The following SDK1 variants were observed in gnomAD, a reference collection of about 807,000 sequenced individuals.
SDK1 encodes sidekick cell adhesion molecule 1, also known as protein sidekick-1.
SDK1 carries 157 observed loss-of-function variants against 245.5 expected under a neutral mutation model. The observed-to-expected ratio is 0.64, with a 90% CI of 0.56 to 0.73. The LOEUF (loss-of-function observed/expected upper bound fraction) is 0.73. Among genes scored for constraint, SDK1 ranks in the 30% least tolerant of loss-of-function variants. SDK1 has a pLI of 0.00. For missense variants in SDK1, 3,583 were observed against 3,002.3 expected (o/e 1.19, Z -4.52); for synonymous variants, 1,647 against 1,278.5 (o/e 1.29, Z -6.15).
chr7:3,565,576 C>T (rs994021756), intron 1 of SDK1, among the ~76,000 whole-genome samples: 3 of 152,158 alleles, frequency 2.0e-5, no homozygotes, highest in African/African-American at 2.4e-5. Context: ...AGTACAATGA[C>T]ATTACTGTGT....
At chr7:3,967,598 G>T (rs957999185) in intron 10 of SDK1, among the ~76,000 whole-genome samples, 164 bp downstream of exon 10, 1 of 152,198 alleles carries the variant, frequency 6.6e-6, no homozygotes, top group African/African-American at 2.4e-5. Flanking sequence ...TGGCACCAGG[G>T]ACCTGTTTCT....
At chr7:3,396,293 G>A (rs1482272472) in intron 1 of SDK1, among the ~76,000 whole-genome samples, 1 of 151,668 alleles carries the variant, frequency 6.6e-6, no homozygotes, top group Non-Finnish European at 1.5e-5. Flanking sequence ...ATCTGCTAAT[G>A]CTTTCTTTGT....
At chr7:4,253,528 T>A (rs141370160) in intron 44 of SDK1, among the ~76,000 whole-genome samples, 1 of 152,192 alleles carries the variant, frequency 6.6e-6, no homozygotes, top group East Asian at 1.9e-4. Context: ...TTAAAATTCA[T>A]TGGGTCTTAT....
chr7:3,319,561 C>T (rs181448037), intron 1 of SDK1, among the ~76,000 whole-genome samples: 35 of 152,270 alleles, frequency 2.3e-4, no homozygotes, highest in South Asian at 1.0e-3. Context: ...TCATTACTTA[C>T]ATGATACATA....
chr7:4,106,043 T>G (rs7777164), intron 22 of SDK1, among the ~76,000 whole-genome samples: 18,388 of 152,080 alleles, frequency 0.12, 1,833 homozygotes, highest in African/African-American at 0.27. Context: ...AAGGGCAGGG[T>G]AGTTTGACCT....
intron 1 of SDK1, among the ~76,000 whole-genome samples, chr7:3,329,835 A>G (rs372169106): frequency 3.9e-5 from 6 of 152,256 alleles, no homozygotes; most frequent in African/African-American, 1.2e-4. Flanking sequence ...GCAGTATAAC[A>G]ACTACTTATA....
chr7:4,208,067 G>T (rs1370069044), intron 36 of SDK1, 32 bp from the exon 37 acceptor site: 3 of 1,568,230 alleles, frequency 1.9e-6, no homozygotes, highest in African/African-American at 2.7e-5. Flanking sequence ...GCTTCCCCAG[G>T]ACCCACCCCA....
chr7:3,925,774 C>T (rs887033611), intron 5 of SDK1, among the ~76,000 whole-genome samples: 1 of 152,182 alleles, frequency 6.6e-6, no homozygotes, highest in Non-Finnish European at 1.5e-5. Flanking sequence ...TTGGCAGGTG[C>T]GTGCTCCAGC....
chr7:3,530,239 G>A (rs1242824632), intron 1 of SDK1, among the ~76,000 whole-genome samples: 1 of 152,058 alleles, frequency 6.6e-6, no homozygotes, highest in Non-Finnish European at 1.5e-5. Flanking sequence ...CCTTAGAAAC[G>A]ACCCATTTCA....
chr7:3,637,334 T>TG (rs1196689025), intron 2 of SDK1, among the ~76,000 whole-genome samples: 1 of 152,192 alleles, frequency 6.6e-6, no homozygotes, highest in African/African-American at 2.4e-5. Flanking sequence ...TGGCCTCAAG[T>TG]GATCTGCCTG....
At chr7:3,929,777 A>G (rs1358678861) in intron 5 of SDK1, among the ~76,000 whole-genome samples, 3 of 152,082 alleles carry the variant, frequency 2.0e-5, no homozygotes, top group East Asian at 3.9e-4. Flanking sequence ...AGATAGGTGG[A>G]GAGGTGTATT....
chr7:3,495,509 T>C (rs1451305995), intron 1 of SDK1, among the ~76,000 whole-genome samples: 1 of 152,182 alleles, frequency 6.6e-6, no homozygotes, highest in African/African-American at 2.4e-5. Flanking sequence ...TCCTCCCGCC[T>C]CAGCCTCCCA....
intron 32 of SDK1, among the ~76,000 whole-genome samples, chr7:4,166,094 G>A (rs1165230279): frequency 3.3e-5 from 5 of 152,228 alleles, no homozygotes; most frequent in African/African-American, 1.2e-4. Flanking sequence ...GCCTGTAAGT[G>A]GGTTTTGAGA....
chr7:3,408,154 C>T (rs1362775085), intron 1 of SDK1, among the ~76,000 whole-genome samples: 1 of 152,096 alleles, frequency 6.6e-6, no homozygotes, highest in Non-Finnish European at 1.5e-5. Flanking sequence ...TCTTGTGCCT[C>T]AGTCTCCTGA....
At chr7:4,080,334 G>A (rs2103233) in intron 22 of SDK1, among the ~76,000 whole-genome samples, 3,492 of 152,228 alleles carry the variant, frequency 0.023, 62 homozygotes, top group Admixed American at 0.05. Context: ...GCTGGCATTG[G>A]TGAAGCCGTG....
intron 6 of SDK1, 140 bp downstream of exon 6, chr7:3,951,174 G>C (rs770220035): frequency 7.6e-6 from 5 of 658,514 alleles, no homozygotes; most frequent in Admixed American, 2.3e-5. Context: ...CCATGAATAC[G>C]AGATATGGGT....
At chr7:3,510,434 A>C (rs1171596797) in intron 1 of SDK1, among the ~76,000 whole-genome samples, 5 of 152,194 alleles carry the variant, frequency 3.3e-5, no homozygotes, top group Non-Finnish European at 7.3e-5. Flanking sequence ...GGTCTTCTAA[A>C]GGGTCTCTGA....
At chr7:3,662,661 G>A (rs897247986) in intron 4 of SDK1, among the ~76,000 whole-genome samples, 1 of 152,106 alleles carries the variant, frequency 6.6e-6, no homozygotes, top group Non-Finnish European at 1.5e-5. Context: ...CAGATGTTTC[G>A]GGTTCTTTGT....
chr7:3,779,094 A>G (rs1562437020), intron 4 of SDK1, among the ~76,000 whole-genome samples: 2 of 152,244 alleles, frequency 1.3e-5, no homozygotes, highest in Middle Eastern at 3.2e-3. Flanking sequence ...CATTTGGCTA[A>G]GAATTCTGCG....
Sources: gnomAD v4.1 joint callset for allele counts (sites outside exome capture counted in the v4.1 genomes callset) on GRCh38, gnomAD v4.1.1 for gene constraint, MANE v1.5 for transcripts, NCBI Gene and HGNC (gene_info 2026-07-23, HGNC 2026-07-21) for gene names.